The following SLC2A1 variants were observed in gnomAD, a reference collection of about 807,000 sequenced individuals.
SLC2A1 encodes the protein solute carrier family 2 member 1.
SLC2A1 carries 4 observed loss-of-function variants against 46.6 expected under a neutral mutation model. The ratio of observed to expected loss-of-function variants is 0.09; its 90% CI spans 0.04 to 0.20. SLC2A1 has a LOEUF of 0.20. Among genes scored for constraint, SLC2A1 ranks in the 10% least tolerant of loss-of-function variants. The pLI is 1.00. For missense variants in SLC2A1, 352 were observed against 667.0 expected, an observed-to-expected ratio of 0.53 and a Z score of 5.20; for synonymous variants, 253 against 270.0, an observed-to-expected ratio of 0.94 and a Z score of 0.62.
chr1:42,936,193 C>T (rs1346297975), intron 2 of SLC2A1, among the ~76,000 whole-genome samples: 1 of 152,148 alleles, frequency 6.6e-6, no homozygotes. Context: ...GGTTTAGGCT[C>T]GGTCTCAACT....
At chr1:42,943,171 T>G (rs1643615051) in intron 2 of SLC2A1, 55 bp downstream of exon 2, 3 of 1,142,992 alleles carry the variant, frequency 2.6e-6, no homozygotes, top group South Asian at 1.3e-5. Context: ...TGGGCATGTG[T>G]GATGTGCAAC....
At chr1:42,955,226 A>G (rs1643760021) in intron 1 of SLC2A1, among the ~76,000 whole-genome samples, 1 of 152,242 alleles carries the variant, frequency 6.6e-6, no homozygotes, top group South Asian at 2.1e-4. Context: ...ATGGGGACAG[A>G]GACGTACATT....
rs745580526 is a variant in SLC2A1, at chr1:42,943,208, C to T, written c.114+18G>A. 1.6e-5 allele frequency: 25 copies of T among 1,574,086 alleles called. No individual in the cohort carries two copies. Among genetic ancestry groups the T allele is most frequent in the Middle Eastern group, 1.7e-4 (1 of 6,022 alleles). On this transcript the variant is annotated intron_variant, in intron 2 of 9. Transcript: ENST00000426263. The stretch of plus-strand genomic sequence containing the variant: ...GAGCAGGCTGGTGTCCATAAGCCAA[C>T]GATGGCACAGTACTCACCTTCTGGG...
chr1:42,938,298 G>A (rs1643564092), intron 2 of SLC2A1, among the ~76,000 whole-genome samples: 1 of 152,160 alleles, frequency 6.6e-6, no homozygotes, highest in Non-Finnish European at 1.5e-5. Context: ...AGCAGGGCAG[G>A]GGCAGTGTGC....
intron 1 of SLC2A1, chr1:42,951,715 T>C (rs1643721970): frequency 7.6e-6 from 3 of 396,956 alleles, no homozygotes; most frequent in East Asian, 3.6e-5. Flanking sequence ...AAGAACTTTA[T>C]TGGACACAGC....
At chr1:42,937,738 T>C (rs1643555815) in intron 2 of SLC2A1, among the ~76,000 whole-genome samples, 1 of 152,184 alleles carries the variant, frequency 6.6e-6, no homozygotes, top group Admixed American at 6.5e-5. Context: ...GGGCAAGCTA[T>C]AAGTAAGCAG....
chr1:42,958,203 C>G (rs1317204611), intron 1 of SLC2A1, among the ~76,000 whole-genome samples: 1 of 151,734 alleles, frequency 6.6e-6, no homozygotes, highest in African/African-American at 2.4e-5. Context: ...CGGGGCCGGG[C>G]CGGGGGCTCG....
chr1:42,943,522 C>T (rs977180564), intron 1 of SLC2A1, among the ~76,000 whole-genome samples: 7 of 152,072 alleles, frequency 4.6e-5, no homozygotes, highest in Non-Finnish European at 1.0e-4. Flanking sequence ...CTGGGCTGGC[C>T]GGGCCATTTC....
chr1:42,936,420 A>G (rs1412391696), intron 2 of SLC2A1, among the ~76,000 whole-genome samples: 1 of 152,110 alleles, frequency 6.6e-6, no homozygotes, highest in Non-Finnish European at 1.5e-5. Context: ...TCATCTCCAC[A>G]GCAACTCTCA....
At chr1:42,940,980 C>G (rs1242215019) in intron 2 of SLC2A1, among the ~76,000 whole-genome samples, 2 of 152,188 alleles carry the variant, frequency 1.3e-5, no homozygotes, top group Non-Finnish European at 1.5e-5. Flanking sequence ...CCACACATCA[C>G]CCATGCCAGA....
chr1:42,956,449 G>C (rs1161787385), intron 1 of SLC2A1, among the ~76,000 whole-genome samples: 1 of 148,042 alleles, frequency 6.8e-6, no homozygotes, highest in Non-Finnish European at 1.5e-5. Context: ...GCTGGGTGTG[G>C]TGGCACATGC....
intron 1 of SLC2A1, among the ~76,000 whole-genome samples, chr1:42,947,018 C>A (rs1388798840): frequency 2.0e-5 from 3 of 152,202 alleles, no homozygotes; most frequent in African/African-American, 7.2e-5. Flanking sequence ...CATCATGAAG[C>A]CTGGCAGAAT....
intron 1 of SLC2A1, among the ~76,000 whole-genome samples, chr1:42,946,574 G>A (rs138490077): frequency 3.3e-4 from 50 of 152,294 alleles, no homozygotes; most frequent in African/African-American, 1.1e-3. Context: ...TTCCCAGGAG[G>A]TGACATTGGA....
In SLC2A1 at chr1:42,926,456, C is replaced by T; in HGVS notation, c.*585G>A. Reference sequence around the variant, plus strand: ...CCCTTCCCCTCTCCTCCCTGCACTCCAGTGCTCCCAACTGGTCTCAGGTAA... The same window carrying T: ...CCCTTCCCCTCTCCTCCCTGCACTCTAGTGCTCCCAACTGGTCTCAGGTAA... On this transcript the variant is annotated 3_prime_UTR_variant, in exon 10 of 10. Transcript: ENST00000426263. 5 of 244,832 alleles carry T rather than the reference C, an allele frequency of 2.0e-5. No homozygotes were observed. In the South Asian group the frequency reaches 2.5e-4, roughly 12 times the overall value. The allele number at this position is 244,832 out of a possible 1,614,324, so 15.2% of individuals were successfully genotyped here. A position where few individuals can be genotyped will look rare whatever the true frequency, so the allele number is the denominator to read the frequency against.
At chr1:42,952,110 C>G in intron 1 of SLC2A1, 1 of 499,056 alleles carries the variant, frequency 2.0e-6, no homozygotes, top group East Asian at 3.3e-5. Flanking sequence ...TGCACTAGGA[C>G]ACTGCATTCA....
Position 42,944,660 on chromosome 1 carries a change from G to C in SLC2A1, c.19-1339C>G, listed in dbSNP as rs749657479. Reference sequence around the variant, plus strand: ...CAGGGCAACGACTGCAAAAGCCAAGGCTCTCACATCAGAGGCTGCGAAAGA... The same window carrying C: ...CAGGGCAACGACTGCAAAAGCCAAGCCTCTCACATCAGAGGCTGCGAAAGA... On this transcript the variant is annotated intron_variant, in intron 1 of 9. Coordinates refer to ENST00000426263, the MANE Select transcript of SLC2A1 (RefSeq NM_006516.4). 1.1e-4 allele frequency among the ~76,000 whole-genome samples: 16 copies of C among 152,290 alleles called. No homozygotes were observed. In the South Asian group the frequency reaches 2.1e-3, roughly 20 times the overall value.
intron 1 of SLC2A1, among the ~76,000 whole-genome samples, chr1:42,949,327 A>C (rs1570605252): frequency 1.3e-5 from 2 of 152,204 alleles, no homozygotes; most frequent in African/African-American, 4.8e-5. Context: ...TAACATCGGC[A>C]CTTGACAGGA....
rs1053330764 is a variant in SLC2A1 at position 42,958,784 on chromosome 1, G to T, written c.-133C>A. Reference sequence around the variant, plus strand: ...TGCGACTCTGACTCCGACCCCCGTCGTTTGGTCTCCTGCTCCCTGGCGTGC... The same window carrying T: ...TGCGACTCTGACTCCGACCCCCGTCTTTTGGTCTCCTGCTCCCTGGCGTGC... On this transcript the variant is annotated 5_prime_UTR_variant, in exon 1 of 10. Coordinates refer to ENST00000426263, the MANE Select transcript of SLC2A1 (RefSeq NM_006516.4). 2 of 951,842 alleles carry T rather than the reference G, an allele frequency of 2.1e-6. No individual in the cohort carries two copies. Among genetic ancestry groups the T allele is most frequent in the African/African-American group, 1.7e-5 (1 of 59,200 alleles). 59.0% of individuals were successfully genotyped at this position (951,842 alleles called of 1,614,324 possible).
In SLC2A1 at chr1:42,944,227, A is replaced by T. The variant is rs114635300; in HGVS notation, c.19-906T>A. On this transcript the variant is annotated intron_variant, in intron 1 of 9. Transcript: ENST00000426263. Reference sequence around the variant, plus strand: ...TGCTTCTGTCCATTGGAAGCCGAGGACCTAAGGCAGCAGGAAGGGCAGAGG... The same window carrying T: ...TGCTTCTGTCCATTGGAAGCCGAGGTCCTAAGGCAGCAGGAAGGGCAGAGG... Among the ~76,000 whole-genome samples the T allele has an allele frequency of 5.7e-3, 870 of 152,232 alleles. 8 individuals are homozygous for T. The highest frequency in any genetic ancestry group is 0.02 in the African/African-American group (842 of 41,534).
Sources: allele counts gnomAD v4.1 joint callset (sites outside exome capture counted in the v4.1 genomes callset), GRCh38; gene constraint gnomAD v4.1.1; transcripts MANE v1.5; gene names NCBI Gene and HGNC (gene_info 2026-07-23, HGNC 2026-07-21).